The following MICAL3 variants were observed in gnomAD, a reference collection of about 807,000 sequenced individuals.
MICAL3 encodes microtubule associated monooxygenase, calponin and LIM domain containing 3.
MICAL3 carries 62 observed loss-of-function variants against 207.4 expected under a neutral mutation model. That is an observed-to-expected ratio of 0.30 (90% confidence interval 0.24 to 0.37). The LOEUF is 0.37. MICAL3 is among the 10% of genes least tolerant of loss of function. The pLI is 1.00. For missense variants in MICAL3, 2,368 were observed against 2,635.6 expected (o/e 0.90, Z 2.22); for synonymous variants, 1,077 against 1,069.3 (o/e 1.01, Z -0.14).
chr22:17,914,979 A>G (rs1052352495), intron 1 of MICAL3, among the ~76,000 whole-genome samples: 13 of 152,202 alleles, frequency 8.5e-5, no homozygotes, highest in African/African-American at 3.1e-4. Context: ...TCAACAGTAC[A>G]GACCAAAAGA....
chr22:17,898,068 A>G (rs1602173994), intron 7 of MICAL3, among the ~76,000 whole-genome samples: 1 of 151,574 alleles, frequency 6.6e-6, no homozygotes, highest in East Asian at 1.9e-4. Flanking sequence ...TGGGTTTACT[A>G]TTTAACAGCA....
intron 16 of MICAL3, chr22:17,875,323 C>T: frequency 2.0e-6 from 1 of 509,568 alleles, no homozygotes; most frequent in Non-Finnish European, 3.4e-6. Flanking sequence ...ATGCAGCTGG[C>T]TCCCTACAGG....
At chr22:17,893,492 G>A (rs912693605) in intron 11 of MICAL3, among the ~76,000 whole-genome samples, 9 of 152,136 alleles carry the variant, frequency 5.9e-5, no homozygotes, top group South Asian at 2.1e-4. Context: ...TCTGCCCCGC[G>A]TCTGTACCTG....
At position 17,864,946 on chromosome 22, in the gene MICAL3, G is replaced by T. The variant is rs371273113; in HGVS notation, c.2558C>A (p.Ala853Glu). Residue 853 changes from alanine (A) to glutamate (E), a missense_variant, in exon 19 of 32, where the codon GCA becomes GAA. Transcript: ENST00000441493. ...GGCCACGGCGTTGGCCCGTCCGTTT[G>T]CATCTGTGGTGGCGCCATCCTGCAG... ...GPLQDGATTD[A>E]NGRANAVASS... 6.2e-7 allele frequency: 1 copy of T among 1,613,186 alleles called. No individual in the cohort carries two copies. The highest frequency in any genetic ancestry group is 2.2e-5 in the East Asian group (1 of 44,840).
intron 19 of MICAL3, among the ~76,000 whole-genome samples, chr22:17,855,922 G>C (rs139374401): frequency 6.6e-6 from 1 of 152,374 alleles, no homozygotes; most frequent in Non-Finnish European, 1.5e-5. Flanking sequence ...GGCAGCTCCT[G>C]TGTCCTCTGC....
intron 1 of MICAL3, among the ~76,000 whole-genome samples, chr22:17,987,949 C>T (rs59890954): frequency 0.044 from 6,687 of 152,184 alleles, 281 homozygotes; most frequent in African/African-American, 0.11. Flanking sequence ...AATAGAGTTG[C>T]CCTAAAGGTG....
In MICAL3 at chr22:17,900,727, G is replaced by A; in HGVS notation, c.847+115C>T. 2.5e-6 allele frequency: 2 copies of A among 790,100 alleles called. No individual in the cohort carries two copies. Among genetic ancestry groups the A allele is most frequent in the South Asian group, 3.5e-5 (2 of 56,376 alleles). The allele number at this position is 790,100 out of a possible 1,614,324, so 48.9% of individuals were successfully genotyped here. A position where few individuals can be genotyped will look rare whatever the true frequency, so the allele number is the denominator to read the frequency against. On this transcript the variant is annotated intron_variant, in intron 6 of 31. Coordinates refer to ENST00000441493, the MANE Select transcript of MICAL3 (RefSeq NM_015241.3). This position sits in a 1 kb window ranked among gnomAD's most constrained non-coding sequence, Gnocchi z 4.0. ...GAACAGGAGTGAAAAGAGCAGGAGG[G>A]GCAGACAGTGCAGGAGGGACACCGA...
At chr22:17,883,808 A>G (rs1245890507) in intron 16 of MICAL3, among the ~76,000 whole-genome samples, 3 of 152,224 alleles carry the variant, frequency 2.0e-5, no homozygotes, top group African/African-American at 7.2e-5. Flanking sequence ...GATTTAAAAC[A>G]AACACAAACT....
rs199944756 is a variant in MICAL3, at chr22:17,818,021, G to A, written c.4640C>T (p.Pro1547Leu). ...SSLQEKFFTPPSCWPRPEKPR... is the reference protein window; with the variant it reads ...SSLQEKFFTPLSCWPRPEKPR... ...CTTCTCGGGGCGCGGCCAGCAGGAC[G>A]GGGGCGTGAAGAATTTCTCCTGCAG... Residue 1547 changes from proline to leucine, a missense_variant, in exon 26 of 32, where the codon CCG becomes CTG. Around this residue, in one of 4 missense-constraint regions of MICAL3, gnomAD observed 1,770 missense variants for 1,863.2 expected, o/e 0.95. Coordinates refer to ENST00000441493, the MANE Select transcript of MICAL3 (RefSeq NM_015241.3). The A allele has an allele frequency of 3.0e-5, 48 of 1,612,364 alleles. No homozygotes were observed. Among genetic ancestry groups the A allele is most frequent in the African/African-American group, 1.6e-4 (12 of 75,046 alleles).
At chr22:17,883,461 G>C (rs532782031) in intron 16 of MICAL3, among the ~76,000 whole-genome samples, 1 of 152,208 alleles carries the variant, frequency 6.6e-6, no homozygotes, top group South Asian at 2.1e-4. Context: ...TGGGGAGACC[G>C]ACTACGGAAG....
chr22:18,003,630 C>CCAG (rs1217206095), intron 1 of MICAL3, among the ~76,000 whole-genome samples: 4 of 152,212 alleles, frequency 2.6e-5, no homozygotes, highest in Non-Finnish European at 4.4e-5. Flanking sequence ...GAGCTTTACA[C>CCAG]CAGCCTGCTA....
rs767858953 is a variant in MICAL3, at chr22:17,906,520, C to T, written c.264+29G>A. 14 of 1,612,524 alleles carry T rather than the reference C, an allele frequency of 8.7e-6. No homozygotes were observed. The South Asian group carries it at 1.4e-4, about 16-fold the overall frequency. ...GAGGGAGAAGGCATCTCGTCAGTGACCCCAGGGCCCAACAGGAGCAAAGCT... is the reference window on the plus strand; with the variant it reads ...GAGGGAGAAGGCATCTCGTCAGTGATCCCAGGGCCCAACAGGAGCAAAGCT... On this transcript the variant is annotated intron_variant, in intron 2 of 31. Coordinates refer to ENST00000441493, the MANE Select transcript of MICAL3 (RefSeq NM_015241.3).
At chr22:17,952,502 G>T (rs10427932) in intron 1 of MICAL3, among the ~76,000 whole-genome samples, 4,537 of 152,320 alleles carry the variant, frequency 0.03, 237 homozygotes, top group African/African-American at 0.1. Context: ...GTGGGGAGAA[G>T]TGGAAACAGA....
intron 20 of MICAL3, among the ~76,000 whole-genome samples, chr22:17,837,503 C>G (rs142218257): frequency 6.6e-6 from 1 of 152,224 alleles, no homozygotes; most frequent in Admixed American, 6.5e-5. Context: ...CTTTGCTGCC[C>G]GGGGCACATT....
chr22:17,871,104 T>C lies in MICAL3; in HGVS notation c.2428+733A>G, dbSNP rs774113400. On this transcript the variant is annotated intron_variant, in intron 17 of 31. Coordinates refer to ENST00000441493, the MANE Select transcript of MICAL3 (RefSeq NM_015241.3). Reference sequence around the variant, plus strand: ...ATCTATAAGACTGCCTCCCACGAAGTCCCTCCAGCATCCTATAGGAATGGG... The same window carrying C: ...ATCTATAAGACTGCCTCCCACGAAGCCCCTCCAGCATCCTATAGGAATGGG... 9.8e-4 allele frequency among the ~76,000 whole-genome samples: 149 copies of C among 152,124 alleles called. 1 individual carries two copies. The highest frequency in any genetic ancestry group is 2.0e-3 in the Non-Finnish European group (135 of 68,022).
chr22:17,810,198 G>T (rs577579696), intron 28 of MICAL3, among the ~76,000 whole-genome samples: 5 of 151,968 alleles, frequency 3.3e-5, no homozygotes, highest in Non-Finnish European at 7.4e-5. Flanking sequence ...GAGTAGCTGG[G>T]ACTACAGGCA....
At chr22:17,817,213 G>A (rs1316695922) in intron 26 of MICAL3, 98 bp downstream of exon 26, 18 of 1,397,618 alleles carry the variant, frequency 1.3e-5, no homozygotes, top group Admixed American at 2.5e-5. Flanking sequence ...AACCCTCGGC[G>A]GGGAGCGTGT....
intron 7 of MICAL3, among the ~76,000 whole-genome samples, chr22:17,897,846 C>T (rs1930982655): frequency 6.6e-6 from 1 of 152,154 alleles, no homozygotes; most frequent in South Asian, 2.1e-4. Flanking sequence ...TCCACAGAAA[C>T]CCACAAAGAA....
intron 1 of MICAL3, among the ~76,000 whole-genome samples, chr22:17,975,426 G>A (rs1935589538): frequency 1.3e-5 from 2 of 151,918 alleles, no homozygotes; most frequent in Admixed American, 1.3e-4. Flanking sequence ...ACAACTTTCT[G>A]GTATTTCTGA....
Sources: gnomAD v4.1 joint callset for allele counts (sites outside exome capture counted in the v4.1 genomes callset) on GRCh38, gnomAD v4.1.1 for gene constraint, gnomAD v4.1.1 regional missense constraint, Gnocchi (gnomAD v3.1) non-coding constraint, MANE v1.5 for transcripts, NCBI Gene and HGNC (gene_info 2026-07-23, HGNC 2026-07-21) for gene names.